TBL1X: variants seen among roughly 807,000 people sequenced by gnomAD.
The protein encoded by TBL1X is F-box-like/WD repeat-containing protein TBL1X.
TBL1X carries 10 observed loss-of-function variants against 50.7 expected under a neutral mutation model. The ratio of observed to expected loss-of-function variants is 0.20; its 90% confidence interval spans 0.12 to 0.33. The LOEUF is 0.33. TBL1X is among the 10% of genes least tolerant of loss of function. The pLI is 1.00. For synonymous variants in TBL1X, 190 were observed against 214.7 expected (o/e 0.88, Z 1.01); for missense variants, 340 against 504.4 (o/e 0.67, Z 3.12).
chrX:9,469,180 G>GTTTGT (rs1282308627), intron 1 of TBL1X, among the ~76,000 whole-genome samples: 2 of 111,257 alleles, frequency 1.8e-5, no homozygotes, highest in African/African-American at 6.6e-5. Context: ...TTGTTTGTTT[G>GTTTGT]TTTTTTCTGA....
At chrX:9,684,813 C>G (rs921806007) in intron 6 of TBL1X, among the ~76,000 whole-genome samples, 4 of 111,870 alleles carry the variant, frequency 3.6e-5, no homozygotes, top group African/African-American at 6.5e-5. Flanking sequence ...TTCAGCTGCT[C>G]TGGGCTTCGG....
At chrX:9,707,675 G>GT (rs906743587) in intron 13 of TBL1X, among the ~76,000 whole-genome samples, 15 of 112,656 alleles carry the variant, frequency 1.3e-4, no homozygotes, top group Non-Finnish European at 2.6e-4. Context: ...GGGCCCATGA[G>GT]TTTTCCTCTG....
chrX:9,587,420 C>T (rs2082475928), intron 2 of TBL1X, among the ~76,000 whole-genome samples: 1 of 111,878 alleles, frequency 8.9e-6, no homozygotes, highest in African/African-American at 3.3e-5. Flanking sequence ...TTTTGTCTTA[C>T]ATGAGTGTGT....
At chrX:9,636,223 AGGT>A (rs1428954858) in intron 2 of TBL1X, 1 of 110,531 alleles carries the variant, frequency 9.0e-6, no homozygotes, top group Non-Finnish European at 1.9e-5. Flanking sequence ...AACTTGACAT[AGGT>A]GGTGGTTGCA....
At chrX:9,710,165 G>A (rs182112292) in intron 15 of TBL1X, among the ~76,000 whole-genome samples, 11 of 105,044 alleles carry the variant, frequency 1.0e-4, no homozygotes, top group Admixed American at 7.1e-4. Flanking sequence ...TGCAGTGCGC[G>A]GTGATCACAC....
At chrX:9,621,257 C>T (rs937079229) in intron 2 of TBL1X, among the ~76,000 whole-genome samples, 9 of 111,549 alleles carry the variant, frequency 8.1e-5, no homozygotes, top group Non-Finnish European at 1.5e-4. Context: ...AGACCCATGG[C>T]GGTGTAGTCA....
intron 2 of TBL1X, among the ~76,000 whole-genome samples, chrX:9,503,459 C>G (rs1373631448): frequency 9.0e-6 from 1 of 110,609 alleles, no homozygotes; most frequent in Non-Finnish European, 1.9e-5. Context: ...TGCCTGCTGT[C>G]TAAGCCCTTT....
At chrX:9,714,586 C>T (rs1251185633) in intron 16 of TBL1X, among the ~76,000 whole-genome samples, 1 of 111,907 alleles carries the variant, frequency 8.9e-6, no homozygotes, top group Non-Finnish European at 1.9e-5. Context: ...AGCCACTTAC[C>T]CACCAGATGA....
intron 2 of TBL1X, among the ~76,000 whole-genome samples, chrX:9,552,460 C>A (rs763971074): frequency 6.3e-5 from 7 of 111,795 alleles, no homozygotes; most frequent in Non-Finnish European, 1.3e-4. Context: ...CTTTGTATCA[C>A]TCCGACTTAA....
At chrX:9,496,974 G>A (rs2081974047) in intron 1 of TBL1X, among the ~76,000 whole-genome samples, 1 of 111,913 alleles carries the variant, frequency 8.9e-6, no homozygotes, top group Non-Finnish European at 1.9e-5. Context: ...TTCCATCGTT[G>A]AAAACATGTT....
chrX:9,684,620 A>AAAAAAAG (rs2083046281), intron 6 of TBL1X, among the ~76,000 whole-genome samples: 2 of 107,028 alleles, frequency 1.9e-5, no homozygotes, highest in African/African-American at 3.4e-5. Flanking sequence ...AAAAAAAGGA[A>AAAAAAAG]GAAGAAGAAA....
At chrX:9,636,508 A>ACAACAACAACAG in intron 2 of TBL1X, 1 of 110,601 alleles carries the variant, frequency 9.0e-6, no homozygotes, top group South Asian at 3.9e-4. Context: ...AACAACAACA[A>ACAACAACAACAG]CAACAACAAC....
At chrX:9,532,887 G>C (rs2082169399) in intron 2 of TBL1X, among the ~76,000 whole-genome samples, 1 of 111,308 alleles carries the variant, frequency 9.0e-6, no homozygotes, top group Admixed American at 9.5e-5. Flanking sequence ...TAAGGCTTCA[G>C]CATATGAGTT....
intron 2 of TBL1X, among the ~76,000 whole-genome samples, chrX:9,558,640 T>C (rs2082311597): frequency 9.0e-6 from 1 of 111,625 alleles, no homozygotes; most frequent in African/African-American, 3.3e-5. Flanking sequence ...GATTGGGTTG[T>C]AAGGCTGGAC....
At chrX:9,520,907 C>G (rs1382429712) in intron 2 of TBL1X, among the ~76,000 whole-genome samples, 1 of 111,036 alleles carries the variant, frequency 9.0e-6, no homozygotes, top group East Asian at 2.8e-4. Flanking sequence ...GCCTGGGTAG[C>G]AGCAGCATAG....
At chrX:9,692,084 C>G (rs941237332) in intron 8 of TBL1X, 29 bp from the exon 9 acceptor site, 2 of 1,209,858 alleles carry the variant, frequency 1.7e-6, no homozygotes, top group African/African-American at 1.8e-5. Context: ...GAACCAAACA[C>G]CAGAGGCTCC....
chrX:9,593,719 T>TC (rs745759358), intron 2 of TBL1X, among the ~76,000 whole-genome samples: 206 of 110,929 alleles, frequency 1.9e-3, no homozygotes, highest in African/African-American at 6.6e-3. Context: ...CCCACACCCA[T>TC]CCTTCCGCCC....
At chrX:9,697,305 A>T (rs1327457594) in intron 11 of TBL1X, 64 bp from the exon 12 acceptor site, 1 of 1,184,014 alleles carries the variant, frequency 8.4e-7, no homozygotes, top group Non-Finnish European at 1.1e-6. Context: ...TTGTATGATA[A>T]ATGTTTCCAG....
chrX:9,507,997 A>G (rs1004411228), intron 2 of TBL1X, among the ~76,000 whole-genome samples: 3 of 112,585 alleles, frequency 2.7e-5, no homozygotes, highest in African/African-American at 6.5e-5. Flanking sequence ...ACCCTAGAAG[A>G]TAACCTAAGC....
Sources: gnomAD v4.1 joint callset for allele counts (sites outside exome capture counted in the v4.1 genomes callset) on GRCh38, gnomAD v4.1.1 for gene constraint, MANE v1.5 for transcripts, NCBI Gene and HGNC (gene_info 2026-07-23, HGNC 2026-07-21) for gene names.